PTPRD: variants seen among roughly 807,000 people sequenced by gnomAD.
The protein encoded by PTPRD is protein tyrosine phosphatase receptor type D.
A neutral mutation model predicts 214.5 loss-of-function variants in PTPRD; 34 were observed. The observed-to-expected ratio is 0.16, with a 90% CI of 0.12 to 0.21. The LOEUF (loss-of-function observed/expected upper bound fraction) is 0.21. PTPRD is among the 10% of genes least tolerant of loss of function. The pLI is 1.00. For missense variants in PTPRD, 2,545 were observed against 2,398.7 expected, an observed-to-expected ratio of 1.06 and a Z score of -1.27; for synonymous variants, 1,128 against 845.7, an observed-to-expected ratio of 1.33 and a Z score of -5.79.
intron 2 of PTPRD, among the ~76,000 whole-genome samples, chr9:10,561,901 A>G (rs1472156690): frequency 6.6e-6 from 1 of 152,160 alleles, no homozygotes; most frequent in African/African-American, 2.4e-5. Flanking sequence ...TGGCTTATAA[A>G]TAAGTATGTA....
intron 2 of PTPRD, among the ~76,000 whole-genome samples, chr9:10,410,383 A>C (rs184135441): frequency 3.9e-4 from 58 of 150,374 alleles, no homozygotes; most frequent in African/African-American, 1.3e-3. Context: ...CAACCCAAAC[A>C]ATCCTCAAAG....
At chr9:8,561,060 A>G (rs1286944304) in intron 14 of PTPRD, among the ~76,000 whole-genome samples, 2 of 152,154 alleles carry the variant, frequency 1.3e-5, no homozygotes, top group East Asian at 1.9e-4. Context: ...CTGAAAGCCA[A>G]GCTAAAAATT....
intron 10 of PTPRD, among the ~76,000 whole-genome samples, chr9:9,118,795 G>A (rs1348615814): frequency 1.3e-5 from 2 of 152,098 alleles, no homozygotes; most frequent in Non-Finnish European, 2.9e-5. Context: ...CAAATGATCA[G>A]TGAAGGATGA....
At chr9:8,757,096 C>T (rs374778464) in intron 11 of PTPRD, among the ~76,000 whole-genome samples, 5 of 152,262 alleles carry the variant, frequency 3.3e-5, no homozygotes, top group African/African-American at 1.2e-4. Flanking sequence ...AAGCCAAGAT[C>T]GTGCCAGTGC....
At chr9:10,540,309 T>C (rs1365884043) in intron 2 of PTPRD, among the ~76,000 whole-genome samples, 1 of 152,218 alleles carries the variant, frequency 6.6e-6, no homozygotes, top group Non-Finnish European at 1.5e-5. Flanking sequence ...ATTGCAGGCA[T>C]GAGCCACCGG....
intron 12 of PTPRD, among the ~76,000 whole-genome samples, chr9:8,723,433 C>T (rs1335496037): frequency 6.6e-6 from 1 of 152,128 alleles, no homozygotes; most frequent in Non-Finnish European, 1.5e-5. Flanking sequence ...AAAGTCACGC[C>T]GTTCAGTGAC....
At chr9:8,838,528 T>G (rs1187637853) in intron 11 of PTPRD, among the ~76,000 whole-genome samples, 1 of 151,606 alleles carries the variant, frequency 6.6e-6, no homozygotes, top group South Asian at 2.1e-4. Flanking sequence ...CTGAACTTTG[T>G]AATATTTTCT....
chr9:9,797,289 G>GT (rs1007705586), intron 5 of PTPRD, among the ~76,000 whole-genome samples: 4 of 122,994 alleles, frequency 3.3e-5, no homozygotes, highest in African/African-American at 1.2e-4. Context: ...AGTTGTTTGG[G>GT]TTTTTTTGCA....
intron 3 of PTPRD, among the ~76,000 whole-genome samples, chr9:10,109,549 A>G (rs944475594): frequency 6.6e-6 from 1 of 152,202 alleles, no homozygotes; most frequent in Non-Finnish European, 1.5e-5. Context: ...GGGCAAATAT[A>G]ATAATCAACT....
At chr9:9,947,488 A>ATTTTT (rs2092843511) in intron 4 of PTPRD, among the ~76,000 whole-genome samples, 1 of 29,760 alleles carries the variant, frequency 3.4e-5, no homozygotes, top group African/African-American at 1.3e-4. Context: ...TATTTTATAT[A>ATTTTT]TATTATATAT....
chr9:9,994,646 A>C (rs2096062261), intron 4 of PTPRD, among the ~76,000 whole-genome samples: 1 of 152,192 alleles, frequency 6.6e-6, no homozygotes, highest in Non-Finnish European at 1.5e-5. Context: ...AAAGAGAGAA[A>C]GTGGGGATAT....
chr9:9,741,460 A>T (rs553093272), intron 6 of PTPRD, among the ~76,000 whole-genome samples: 131 of 106,386 alleles, frequency 1.2e-3, no homozygotes, highest in Non-Finnish European at 1.8e-3. Flanking sequence ...TTTTTTTTTT[A>T]AATTATGATT....
rs191181068 is a variant in PTPRD, at chr9:8,656,294, C to G, written c.65-19450G>C. On this transcript the variant is annotated intron_variant, in intron 12 of 45. Transcript: ENST00000381196. ...CAACCTTTTTGTGTATTTGTTAAGA[C>G]TATTCCATTATTCAAAAATATTTTC... is the stretch of plus-strand genomic sequence containing the variant. Among the ~76,000 whole-genome samples the G allele has an allele frequency of 2.6e-5, 4 of 152,282 alleles. No individual in the cohort carries two copies. The East Asian group carries it at 7.7e-4, about 29-fold the overall frequency.
chr9:8,526,718 G>T (rs1022403899), intron 16 of PTPRD, 74 bp from the exon 17 acceptor site: 154 of 1,222,456 alleles, frequency 1.3e-4, no homozygotes, highest in Non-Finnish European at 1.6e-4. Flanking sequence ...GGCTAGGGCT[G>T]GGGAGAAGAA....
intron 10 of PTPRD, among the ~76,000 whole-genome samples, chr9:9,073,902 A>G (rs956131226): frequency 6.6e-6 from 1 of 152,112 alleles, no homozygotes; most frequent in African/African-American, 2.4e-5. Context: ...ACTAAATGTA[A>G]TTAAGCATCT....
chr9:8,598,923 G>A (rs2094631796), intron 14 of PTPRD, among the ~76,000 whole-genome samples: 1 of 152,168 alleles, frequency 6.6e-6, no homozygotes, highest in Non-Finnish European at 1.5e-5. Context: ...TCCTTTGCTG[G>A]AAAAGGAGAC....
At chr9:10,528,593 GCA>G (rs1401174191) in intron 2 of PTPRD, among the ~76,000 whole-genome samples, 9 of 152,240 alleles carry the variant, frequency 5.9e-5, no homozygotes, top group African/African-American at 2.2e-4. Flanking sequence ...CCAATGGCCA[GCA>G]CACATTGACA....
chr9:9,863,407 A>ATTT (rs2153695598), intron 5 of PTPRD, among the ~76,000 whole-genome samples: 1 of 152,310 alleles, frequency 6.6e-6, no homozygotes, highest in South Asian at 2.1e-4. Flanking sequence ...TGTAAGAGTG[A>ATTT]GCATGTTTGG....
At chr9:9,645,457 G>GTATATATATA (rs150506021) in intron 7 of PTPRD, among the ~76,000 whole-genome samples, 54 of 134,384 alleles carry the variant, frequency 4.0e-4, no homozygotes, top group African/African-American at 6.9e-4. Context: ...CTACATATAT[G>GTATATATATA]TATATATATA....
Sources: allele counts gnomAD v4.1 joint callset (sites outside exome capture counted in the v4.1 genomes callset), GRCh38; gene constraint gnomAD v4.1.1; transcripts MANE v1.5; gene names NCBI Gene and HGNC (gene_info 2026-07-23, HGNC 2026-07-21).